The following SIPA1L1 variants were observed in gnomAD, a reference collection of about 807,000 sequenced individuals.
SIPA1L1 encodes signal induced proliferation associated 1 like 1, also known as signal-induced proliferation-associated 1-like protein 1.
SIPA1L1 carries 26 observed loss-of-function variants against 162.7 expected under a neutral mutation model. The observed-to-expected ratio is 0.16, with a 90% confidence interval of 0.12 to 0.22. The LOEUF is 0.22. SIPA1L1 is among the 10% of genes least tolerant of loss of function. The pLI is 1.00. For missense variants in SIPA1L1, 1,874 were observed against 2,241.0 expected (o/e 0.84, Z 3.31); for synonymous variants, 829 against 837.4 (o/e 0.99, Z 0.17).
chr14:71,539,920 G>A (rs1043233265), intron 4 of SIPA1L1, among the ~76,000 whole-genome samples: 1 of 152,196 alleles, frequency 6.6e-6, no homozygotes, highest in African/African-American at 2.4e-5. Context: ...CACCCTAAGG[G>A]TGAAGAGAAG....
At chr14:71,419,852 C>T (rs1367817771) in intron 2 of SIPA1L1, among the ~76,000 whole-genome samples, 2 of 151,752 alleles carry the variant, frequency 1.3e-5, no homozygotes, top group Non-Finnish European at 2.9e-5. Context: ...CATAGTGAGA[C>T]CCCATCTCTT....
At chr14:71,478,971 G>T (rs1165975830) in intron 2 of SIPA1L1, among the ~76,000 whole-genome samples, 1 of 151,952 alleles carries the variant, frequency 6.6e-6, no homozygotes, top group African/African-American at 2.4e-5. Context: ...AAAAAAAAAG[G>T]AAAGAAAAAT....
At chr14:71,611,651 G>A (rs1410634974) in intron 5 of SIPA1L1, among the ~76,000 whole-genome samples, 1 of 151,726 alleles carries the variant, frequency 6.6e-6, no homozygotes, top group Non-Finnish European at 1.5e-5. Flanking sequence ...AAGAACATGC[G>A]ATGTTTGGTT....
intron 8 of SIPA1L1, among the ~76,000 whole-genome samples, chr14:71,654,858 TAGTC>T (rs1363912987): frequency 6.6e-6 from 1 of 152,156 alleles, no homozygotes; most frequent in Non-Finnish European, 1.5e-5. Flanking sequence ...ATTTTCCTGA[TAGTC>T]ATTCTATTAA....
At chr14:71,566,357 A>T (rs1567216205) in intron 4 of SIPA1L1, among the ~76,000 whole-genome samples, 1 of 152,242 alleles carries the variant, frequency 6.6e-6, no homozygotes, top group Non-Finnish European at 1.5e-5. Context: ...CCCTAAACTA[A>T]TTTATAAATT....
intron 2 of SIPA1L1, among the ~76,000 whole-genome samples, chr14:71,406,540 G>A (rs925681111): frequency 2.6e-5 from 4 of 152,006 alleles, no homozygotes; most frequent in African/African-American, 4.8e-5. Context: ...CAATTCTTGT[G>A]GTCCCTTGAT....
Position 71,705,205 on chromosome 14 carries a change from C to T in SIPA1L1, c.3647-17C>T, listed in dbSNP as rs1158760293. ...CTGCTTAGTGCCTGCACCATAATGTCCTATGCTGTATTCCAGAGCCAACAT... is the reference window on the plus strand; with the variant it reads ...CTGCTTAGTGCCTGCACCATAATGTTCTATGCTGTATTCCAGAGCCAACAT... On this transcript the variant is annotated splice_polypyrimidine_tract_variant and intron_variant, in intron 15 of 23. Coordinates refer to ENST00000381232, the MANE Select transcript of SIPA1L1 (RefSeq NM_001386936.1). The T allele has an allele frequency of 6.4e-7, 1 of 1,561,096 alleles. No individual in the cohort carries two copies. Among genetic ancestry groups the T allele is most frequent in the Admixed American group, 1.7e-5 (1 of 59,960 alleles).
chr14:71,738,990 A>T (rs1326937751), intron 23 of SIPA1L1, 28 bp from the exon 24 acceptor site: 1 of 1,607,834 alleles, frequency 6.2e-7, no homozygotes, highest in South Asian at 1.1e-5. Context: ...AACACCTCTT[A>T]GCTTTTCTAC....
In SIPA1L1 at chr14:71,557,311, C is replaced by G. The variant is rs190804062; in HGVS notation, c.-303+27941C>G. Reference sequence around the variant, plus strand: ...CAATGTTTTCTTTTGTGATTTCTTTCATTAGTTTTGCTCATGGAAAATGTT... The same window carrying G: ...CAATGTTTTCTTTTGTGATTTCTTTGATTAGTTTTGCTCATGGAAAATGTT... On this transcript the variant is annotated intron_variant, in intron 4 of 23. Transcript: ENST00000381232. Among the ~76,000 whole-genome samples, 230 of 152,258 alleles carry G rather than the reference C, an allele frequency of 1.5e-3. 1 individual carries two copies. The highest frequency in any genetic ancestry group is 4.8e-3 in the African/African-American group (199 of 41,556).
At chr14:71,590,035 AAAAAAAAAAATATATATAT>A (rs55822831) in intron 5 of SIPA1L1, among the ~76,000 whole-genome samples, 3,383 of 85,004 alleles carry the variant, frequency 0.04, 43 homozygotes, top group Admixed American at 0.1. Context: ...AAAAAAAAAA[AAAAAAAAAAATATATATAT>A]ATATATATAT....
chr14:71,579,410 C>A (rs1461202387), intron 4 of SIPA1L1, among the ~76,000 whole-genome samples: 3 of 151,836 alleles, frequency 2.0e-5, no homozygotes, highest in Admixed American at 6.6e-5. Context: ...CCTGTTCAAA[C>A]CTGTGTTGTT....
intron 2 of SIPA1L1, among the ~76,000 whole-genome samples, chr14:71,496,108 C>T (rs1314281113): frequency 6.6e-6 from 1 of 150,644 alleles, no homozygotes; most frequent in African/African-American, 2.4e-5. Context: ...TGTCTTTAGC[C>T]ACAGCTTTAG....
intron 4 of SIPA1L1, among the ~76,000 whole-genome samples, chr14:71,542,105 G>T (rs2054436821): frequency 6.6e-6 from 1 of 151,870 alleles, no homozygotes; most frequent in Non-Finnish European, 1.5e-5. Context: ...TTAGAAATAG[G>T]GTCTTACTCT....
At chr14:71,338,580 G>A (rs1230871467) in intron 2 of SIPA1L1, among the ~76,000 whole-genome samples, 3 of 152,020 alleles carry the variant, frequency 2.0e-5, no homozygotes, top group Non-Finnish European at 4.4e-5. Context: ...CAGTCATCCG[G>A]GGGCATTTAA....
intron 2 of SIPA1L1, among the ~76,000 whole-genome samples, chr14:71,447,112 C>T (rs1274976400): frequency 6.6e-6 from 1 of 150,986 alleles, no homozygotes; most frequent in Non-Finnish European, 1.5e-5. Flanking sequence ...GATAGGGTCT[C>T]ACTGTGTTGC....
intron 2 of SIPA1L1, chr14:71,448,800 A>G (rs1339083727): frequency 1.3e-5 from 2 of 152,214 alleles, no homozygotes; most frequent in Non-Finnish European, 2.9e-5. Context: ...GAGTGTCCCT[A>G]CTAAGTTCAG....
chr14:71,378,711 A>G (rs1220863137), intron 2 of SIPA1L1, among the ~76,000 whole-genome samples: 1 of 151,446 alleles, frequency 6.6e-6, no homozygotes, highest in Non-Finnish European at 1.5e-5. Flanking sequence ...TTGTTCTATC[A>G]CTGAGTGATA....
intron 2 of SIPA1L1, among the ~76,000 whole-genome samples, chr14:71,344,468 ATAG>A (rs751624233): frequency 2.2e-4 from 33 of 152,230 alleles, no homozygotes; most frequent in Non-Finnish European, 4.0e-4. Flanking sequence ...TGCCTGACAT[ATAG>A]TAGATGTCCA....
chr14:71,380,026 C>T (rs1232040733), intron 2 of SIPA1L1, among the ~76,000 whole-genome samples: 3 of 151,966 alleles, frequency 2.0e-5, no homozygotes, highest in African/African-American at 4.8e-5. Flanking sequence ...GTTTCTTTGA[C>T]CTAGGATTTG....
Sources: gnomAD v4.1 joint callset for allele counts (sites outside exome capture counted in the v4.1 genomes callset) on GRCh38, gnomAD v4.1.1 for gene constraint, MANE v1.5 for transcripts, NCBI Gene and HGNC (gene_info 2026-07-23, HGNC 2026-07-21) for gene names.